Variants in RSL1D1 observed in about 807,000 individuals in gnomAD.
The protein encoded by RSL1D1 is ribosomal L1 domain containing 1.
RSL1D1 carries 34 observed loss-of-function variants against 44.6 expected under a neutral mutation model. The observed-to-expected ratio is 0.76, with a 90% CI of 0.58 to 1.02. RSL1D1 has a LOEUF of 1.02. Among genes scored for constraint, RSL1D1 ranks in the 50% least tolerant of loss-of-function variants. RSL1D1 has a pLI of 0.00. For synonymous variants in RSL1D1, 271 were observed against 207.4 expected (o/e 1.31, Z -2.63); for missense variants, 767 against 568.1 (o/e 1.35, Z -3.56).
At chr16:11,849,419 A>G (rs2053821150) in intron 2 of RSL1D1, 1 of 152,028 alleles carries the variant, frequency 6.6e-6, no homozygotes, top group Admixed American at 6.6e-5. Flanking sequence ...AGATAAAAGA[A>G]TCGAAACCAA....
At chr16:11,847,492 CA>C (rs2053807264) in intron 3 of RSL1D1, 175 bp downstream of exon 3, 2 of 571,260 alleles carry the variant, frequency 3.5e-6, no homozygotes, top group South Asian at 2.2e-5. Context: ...TGACACGAGC[CA>C]CCTCTTTTAT....
chr16:11,849,738 C>A (rs948751188), intron 2 of RSL1D1, among the ~76,000 whole-genome samples: 1 of 152,192 alleles, frequency 6.6e-6, no homozygotes, highest in Admixed American at 6.5e-5. Context: ...TCGAACACCA[C>A]GTTTTCGATT....
At chr16:11,847,860 T>A (rs902473152) in intron 2 of RSL1D1, 54 bp from the exon 3 acceptor site, 4 of 1,546,710 alleles carry the variant, frequency 2.6e-6, no homozygotes, top group Non-Finnish European at 3.5e-6. Flanking sequence ...ACATTATGCA[T>A]GTTTGTATCA....
chr16:11,844,433 C>G (rs915728526), intron 5 of RSL1D1, among the ~76,000 whole-genome samples: 2 of 152,174 alleles, frequency 1.3e-5, no homozygotes, highest in Non-Finnish European at 1.5e-5. Flanking sequence ...AAGGCCTGAA[C>G]TTCTAGCCAA....
rs771200399 is a variant in RSL1D1, at chr16:11,839,897, A to T, written c.944T>A (p.Val315Asp). 1.6e-5 allele frequency: 26 copies of T among 1,614,032 alleles called. No homozygotes were observed. In the South Asian group the frequency reaches 1.8e-4, roughly 11 times the overall value. The part of the protein sequence containing the change: ...KRQQARKTAS[V>D]LSKDDVAPES... Reference sequence around the variant, plus strand: ...AGGTGCCACATCATCTTTACTAAGAACTGATGCAGTCTTCCTAGCCTGCTG... The same window carrying T: ...AGGTGCCACATCATCTTTACTAAGATCTGATGCAGTCTTCCTAGCCTGCTG... The change falls in exon 8 of 9, where the codon GTT becomes GAT. Residue 315 changes from valine to aspartate, a missense_variant. Physicochemically the swap from Val to Asp is radical, Grantham distance 152. Coordinates refer to ENST00000571133, the MANE Select transcript of RSL1D1 (RefSeq NM_015659.3).
At chr16:11,839,291 G>A (rs1393618272) in intron 8 of RSL1D1, among the ~76,000 whole-genome samples, 1 of 151,750 alleles carries the variant, frequency 6.6e-6, no homozygotes, top group Non-Finnish European at 1.5e-5. Flanking sequence ...GCTTGAACCA[G>A]GGAGGCGGAG....
At position 11,846,834 on chromosome 16, in the gene RSL1D1, G is replaced by C; in HGVS notation, c.394C>G (p.Leu132Val). ...GIKTVSQIISLQTLKKEYKSY... is the reference protein window; with the variant it reads ...GIKTVSQIISVQTLKKEYKSY... ...TTATATTCCTTCTTTAGAGTTTGGA[G>C]GGAGATAATCTAGGAAGTATAGAGA... The change falls in exon 4 of 9, where the codon CTC becomes GTC. Residue 132 changes from leucine (L) to valine (V), a missense_variant. Transcript: ENST00000571133. 1 of 1,608,218 alleles carries C rather than the reference G, an allele frequency of 6.2e-7. No individual in the cohort carries two copies. The highest frequency in any genetic ancestry group is 8.5e-7 in the Non-Finnish European group (1 of 1,174,986).
Position 11,850,337 on chromosome 16 carries a change from T to C in RSL1D1, c.187A>G (p.Ser63Gly). ...NYGLLLNENE[S>G]LFLMVVLWKI... The stretch of plus-strand genomic sequence containing the variant: ...CATAATACCACCATTAAAAATAAAC[T>C]TTCATTCTCATTCAAAAGCAACCCA... The change falls in exon 2 of 9, where the codon AGT (serine) becomes GGT (glycine). Residue 63 changes from serine to glycine, a missense_variant. Transcript: ENST00000571133. 1.2e-6 allele frequency: 2 copies of C among 1,600,948 alleles called. No individual in the cohort carries two copies. Among genetic ancestry groups the C allele is most frequent in the Non-Finnish European group, 1.7e-6 (2 of 1,177,022 alleles).
In RSL1D1 at chr16:11,839,834, T is replaced by C; in HGVS notation, c.1007A>G (p.Lys336Arg). ...CCCATGCTCTGGGGTCTGTTCCTTC[T>C]TTGATTCAGGTTTCTTCACTGTAGT... ...GDTTVKKPES[K>R]KEQTPEHGKK... Residue 336 changes from lysine to arginine, a missense_variant, in exon 8 of 9, where the codon AAG becomes AGG. Transcript: ENST00000571133. The C allele has an allele frequency of 6.2e-7, 1 of 1,614,204 alleles. No individual in the cohort carries two copies. The highest frequency in any genetic ancestry group is 8.5e-7 in the Non-Finnish European group (1 of 1,180,034).
At chr16:11,845,574 T>TA (rs1479190713) in intron 5 of RSL1D1, among the ~76,000 whole-genome samples, 2 of 152,206 alleles carry the variant, frequency 1.3e-5, no homozygotes, top group Non-Finnish European at 2.9e-5. Context: ...TTAAATTAAC[T>TA]AAAAATTCAG....
intron 2 of RSL1D1, 29 bp from the exon 3 acceptor site, chr16:11,847,835 A>C (rs367575025): frequency 6.2e-7 from 1 of 1,607,352 alleles, no homozygotes; most frequent in Admixed American, 1.7e-5. Context: ...GAAACCGAGG[A>C]AAGCATTATT....
Position 11,847,500 on chromosome 16 carries a change from T to C in RSL1D1, c.384+168A>G, listed in dbSNP as rs1167090519. The C allele has an allele frequency of 2.0e-5, 12 of 597,976 alleles. 1 individual carries two copies. In the Middle Eastern group the frequency reaches 4.1e-3, roughly 205 times the overall value. 37.0% of individuals were successfully genotyped at this position (597,976 alleles called of 1,614,324 possible). On this transcript the variant is annotated intron_variant, in intron 3 of 8. Coordinates refer to ENST00000571133, the MANE Select transcript of RSL1D1 (RefSeq NM_015659.3). ...AGAGGAATGACACGAGCCACCTCTT[T>C]TATAATTTGCAAGATATAAAAGCTA...
Position 11,850,262 on chromosome 16 carries a change from AG to A in RSL1D1, c.245+16del. 1 of 1,561,116 alleles carries A rather than the reference AG, an allele frequency of 6.4e-7. No individual in the cohort carries two copies. Among genetic ancestry groups the A allele is most frequent in the Non-Finnish European group, 8.6e-7 (1 of 1,161,114 alleles). The stretch of plus-strand genomic sequence containing the variant: ...ACACACAGATAAAAACAGCAAAGGT[AG>A]AAAATCACAACTTACAATCTGACCC... On this transcript the variant is annotated intron_variant, in intron 2 of 8. Coordinates refer to ENST00000571133, the MANE Select transcript of RSL1D1 (RefSeq NM_015659.3).
chr16:11,851,331 C>G, intron 1 of RSL1D1, 77 bp downstream of exon 1: 1 of 1,387,076 alleles, frequency 7.2e-7, no homozygotes, highest in Non-Finnish European at 1.0e-6. Context: ...CGAGCACGCA[C>G]TCGGGTTCCG....
intron 8 of RSL1D1, 110 bp from the exon 9 acceptor site, chr16:11,838,223 C>T: frequency 3.1e-6 from 3 of 964,396 alleles, no homozygotes; most frequent in South Asian, 3.7e-5. Context: ...GACTGAGTTT[C>T]GCTCTTGCTG....
intron 8 of RSL1D1, among the ~76,000 whole-genome samples, chr16:11,838,934 T>C (rs965032827): frequency 1.3e-5 from 2 of 151,126 alleles, no homozygotes; most frequent in Non-Finnish European, 2.9e-5. Context: ...CCTTTCCCTA[T>C]GACTGAGGGG....
At position 11,843,038 on chromosome 16, in the gene RSL1D1, C is replaced by T. The variant is rs1009294538; in HGVS notation, c.636-1038G>A. 4.6e-4 allele frequency among the ~76,000 whole-genome samples: 69 copies of T among 151,514 alleles called. 1 individual carries two copies. Among genetic ancestry groups the T allele is most frequent in the African/African-American group, 1.6e-3 (64 of 41,198 alleles). On this transcript the variant is annotated intron_variant, in intron 5 of 8. Transcript: ENST00000571133. ...CTGGGTTCAAGCGATTCTCCTGCCT[C>T]AGCCTCCCGAGTAGCTGGGATTACA...
In RSL1D1 at chr16:11,846,804, A is replaced by T. The variant is rs755767319; in HGVS notation, c.424T>A (p.Tyr142Asn). Residue 142 changes from tyrosine (Y) to asparagine (N), a missense_variant, in exon 4 of 9, where the codon TAT becomes AAT. By Grantham distance (143) the Tyr-to-Asn change is moderately radical. Coordinates refer to ENST00000571133, the MANE Select transcript of RSL1D1 (RefSeq NM_015659.3). The part of the protein sequence containing the change: ...LQTLKKEYKS[Y>N]EAKLRLLSSF... Reference sequence around the variant, plus strand: ...CTCAGAAGGCGGAGCTTGGCTTCATAGGATTTATATTCCTTCTTTAGAGTT... The same window carrying T: ...CTCAGAAGGCGGAGCTTGGCTTCATTGGATTTATATTCCTTCTTTAGAGTT... The T allele has an allele frequency of 1.9e-6, 3 of 1,612,560 alleles. No homozygotes were observed. Among genetic ancestry groups the T allele is most frequent in the African/African-American group, 1.3e-5 (1 of 75,048 alleles).
chr16:11,839,944 T>C lies in RSL1D1; in HGVS notation c.897A>G (p.Gln299=), dbSNP rs762090870. The change falls in exon 8 of 9, where the codon CAA becomes CAG. Residue 299 remains glutamine, a synonymous_variant. Coordinates refer to ENST00000571133, the MANE Select transcript of RSL1D1 (RefSeq NM_015659.3). ...RKRRERNFEK[Q]KERKKKRQQA... ...GCTGCCTCTTCTTCTTCCTCTCCTT[T>C]TGTTTTTCAAAATTTCTTTCTCTTC... is the stretch of plus-strand genomic sequence containing the variant. The C allele has an allele frequency of 4.3e-6, 7 of 1,612,248 alleles. No individual in the cohort carries two copies. Among genetic ancestry groups the C allele is most frequent in the African/African-American group, 2.7e-5 (2 of 74,712 alleles).
Sources: allele counts gnomAD v4.1 joint callset (sites outside exome capture counted in the v4.1 genomes callset), GRCh38; gene constraint gnomAD v4.1.1; transcripts MANE v1.5; gene names NCBI Gene and HGNC (gene_info 2026-07-23, HGNC 2026-07-21).